Variants in PRORP observed in about 807,000 individuals in gnomAD.
PRORP encodes the protein protein only RNase P catalytic subunit, also known as mitochondrial ribonuclease P catalytic subunit.
In PRORP, 51 loss-of-function variants were observed where a neutral mutation model predicts 59.4. That is an observed-to-expected ratio of 0.86 (90% CI 0.69 to 1.08). The LOEUF (loss-of-function observed/expected upper bound fraction) is 1.08, where lower values mean the gene tolerates loss of function less well. Among genes scored for constraint, PRORP ranks in the 50% least tolerant of loss-of-function variants. The probability of loss-of-function intolerance (pLI) is 0.00; values close to 1 mark genes in which losing one functional copy is unlikely to be tolerated. For synonymous variants in PRORP, 231 were observed against 245.6 expected (o/e 0.94, Z 0.55); for missense variants, 646 against 690.3 (o/e 0.94, Z 0.72).
chr14:35,231,241 TCTA>T (rs2050072587), intron 5 of PRORP, among the ~76,000 whole-genome samples: 2 of 152,212 alleles, frequency 1.3e-5, no homozygotes, highest in South Asian at 2.1e-4. Context: ...GGTTTTTTAA[TCTA>T]CTAAACTCCT....
At chr14:35,152,201 C>T (rs1422255360) in intron 4 of PRORP, among the ~76,000 whole-genome samples, 1 of 152,178 alleles carries the variant, frequency 6.6e-6, no homozygotes, top group Non-Finnish European at 1.5e-5. Flanking sequence ...TTAATCCATT[C>T]AACCCTGAGT....
In PRORP at chr14:35,270,390, G is replaced by C; in HGVS notation, c.1425-11G>C. On this transcript the variant is annotated splice_polypyrimidine_tract_variant and intron_variant, in intron 6 of 7. Transcript: ENST00000534898. ...TGTGCTTGATTGTGTCCTTTCTTAT[G>C]CCTGGTTCAGCTCGGAGGATGATCC... The C allele has an allele frequency of 6.2e-7, 1 of 1,611,120 alleles. No homozygotes were observed. The highest frequency in any genetic ancestry group is 8.5e-7 in the Non-Finnish European group (1 of 1,178,234).
intron 2 of PRORP, among the ~76,000 whole-genome samples, chr14:35,126,224 G>A (rs1356912983): frequency 6.6e-6 from 1 of 152,060 alleles, no homozygotes; most frequent in Admixed American, 6.6e-5. Flanking sequence ...ATGTGGAAGG[G>A]GAAGGAGGAA....
rs2048378474 is a variant in PRORP, at chr14:35,173,830, T to C, written c.1168-6840T>C. 3.9e-5 allele frequency among the ~76,000 whole-genome samples: 6 copies of C among 152,160 alleles called. No individual in the cohort carries two copies. The South Asian group carries it at 1.2e-3, about 31-fold the overall frequency. ...GGGGTTGATGAGACTCAATTGATGC[T>C]TCTTGCTTGGGTCTCCTATTGTAAT... On this transcript the variant is annotated intron_variant, in intron 4 of 7. Coordinates refer to ENST00000534898, the MANE Select transcript of PRORP (RefSeq NM_014672.4).
In PRORP at chr14:35,250,889, C is replaced by T. The variant is rs139974395; in HGVS notation, c.1276-15838C>T. On this transcript the variant is annotated intron_variant, in intron 5 of 7. Transcript: ENST00000534898. ...TTCGTTTTTTAAAATTTTTTATTTC[C>T]GTAGGTTATTGGGGAAAAGGTGGTG... Among the ~76,000 whole-genome samples, 198 of 151,628 alleles carry T rather than the reference C, an allele frequency of 1.3e-3. 1 individual carries two copies. In the East Asian group the frequency reaches 0.027, roughly 21 times the overall value.
At position 35,270,444 on chromosome 14, in the gene PRORP, G is replaced by A. The variant is rs752197996; in HGVS notation, c.1468G>A (p.Gly490Arg). 35 of 1,613,986 alleles carry A rather than the reference G, an allele frequency of 2.2e-5. No homozygotes were observed. Among genetic ancestry groups the A allele is most frequent in the Non-Finnish European group, 2.5e-5 (29 of 1,180,000 alleles). ...CCTTCTGTATGCCACACTGCACTCC[G>A]GGAATCACTGCAGGTTTATCACAAG... Reference protein sequence around the residue: ...PFLLYATLHSGNHCRFITRDL... With the variant: ...PFLLYATLHSRNHCRFITRDL... Residue 490 changes from glycine to arginine, a missense_variant, in exon 7 of 8, where the codon GGG (glycine) becomes AGG (arginine). Gly to Arg is a moderately radical substitution (Grantham distance 125). Coordinates refer to ENST00000534898, the MANE Select transcript of PRORP (RefSeq NM_014672.4).
In PRORP at chr14:35,159,798, G is replaced by A. The variant is rs139593697; in HGVS notation, c.1168-20872G>A. Among the ~76,000 whole-genome samples, 273 of 152,242 alleles carry A rather than the reference G, an allele frequency of 1.8e-3. 1 individual carries two copies. The highest frequency in any genetic ancestry group is 6.3e-3 in the African/African-American group (261 of 41,530). Reference sequence around the variant, plus strand: ...TTCGGTAACTTGCTGAAACCACACAGGTTAAGTGATGAAGTCAGGATTCAG... The same window carrying A: ...TTCGGTAACTTGCTGAAACCACACAAGTTAAGTGATGAAGTCAGGATTCAG... On this transcript the variant is annotated intron_variant, in intron 4 of 7. Transcript: ENST00000534898.
chr14:35,174,313 T>C (rs1294796482), intron 4 of PRORP, among the ~76,000 whole-genome samples: 2 of 152,138 alleles, frequency 1.3e-5, no homozygotes, highest in African/African-American at 4.8e-5. Flanking sequence ...TTTATATTAT[T>C]ATCTAGTAGT....
intron 5 of PRORP, among the ~76,000 whole-genome samples, chr14:35,223,248 G>A (rs2049838065): frequency 6.8e-6 from 1 of 147,164 alleles, no homozygotes; most frequent in Non-Finnish European, 1.5e-5. Context: ...TTACCAGAAT[G>A]AAACCTCTCC....
chr14:35,159,650 TTAAA>T (rs2048010058), intron 4 of PRORP, among the ~76,000 whole-genome samples: 3 of 152,232 alleles, frequency 2.0e-5, no homozygotes, highest in Non-Finnish European at 4.4e-5. Flanking sequence ...TATTTATACA[TTAAA>T]TAATCCAGTG....
At chr14:35,170,798 C>T (rs1566473386) in intron 4 of PRORP, among the ~76,000 whole-genome samples, 1 of 151,790 alleles carries the variant, frequency 6.6e-6, no homozygotes, top group Non-Finnish European at 1.5e-5. Context: ...GATATTATTT[C>T]CCTTCAGCCT....
At chr14:35,217,459 TCA>T (rs1376512057) in intron 5 of PRORP, among the ~76,000 whole-genome samples, 1 of 146,462 alleles carries the variant, frequency 6.8e-6, no homozygotes, top group Non-Finnish European at 1.5e-5. Flanking sequence ...CAAGATTGTG[TCA>T]CTGCACTCCG....
chr14:35,176,902 T>C (rs1443444680), intron 4 of PRORP, among the ~76,000 whole-genome samples: 3 of 152,190 alleles, frequency 2.0e-5, no homozygotes, highest in Non-Finnish European at 4.4e-5. Flanking sequence ...TCTTATTATT[T>C]TGAGATACGT....
At chr14:35,251,296 A>G (rs1216607210) in intron 5 of PRORP, among the ~76,000 whole-genome samples, 11 of 152,220 alleles carry the variant, frequency 7.2e-5, no homozygotes, top group Non-Finnish European at 7.3e-5. Flanking sequence ...GTCATTACAC[A>G]GAAAAGATAC....
At chr14:35,229,971 G>A (rs2050031414) in intron 5 of PRORP, among the ~76,000 whole-genome samples, 1 of 151,758 alleles carries the variant, frequency 6.6e-6, no homozygotes, top group Non-Finnish European at 1.5e-5. Context: ...ATATATGATA[G>A]GATCCTGTGT....
chr14:35,181,864 T>C (rs906356096), intron 5 of PRORP, among the ~76,000 whole-genome samples: 1 of 150,944 alleles, frequency 6.6e-6, no homozygotes, highest in Non-Finnish European at 1.5e-5. Flanking sequence ...TTGAAGCATA[T>C]GTAAAGTTGA....
Position 35,142,525 on chromosome 14 carries a change from T to A in PRORP, c.1167+14914T>A, listed in dbSNP as rs905586020. Among the ~76,000 whole-genome samples, 7 of 133,438 alleles carry A rather than the reference T, an allele frequency of 5.2e-5. 1 individual carries two copies. In the South Asian group the frequency reaches 1.0e-3, roughly 19 times the overall value. 87.5% of individuals were successfully genotyped at this position (133,438 alleles called of 152,430 possible). ...CACCCTGCCCTGCTAATTTTTAAAT[T>A]AAAAAAAAAAAAATTTTAGATAGGG... On this transcript the variant is annotated intron_variant, in intron 4 of 7. Coordinates refer to ENST00000534898, the MANE Select transcript of PRORP (RefSeq NM_014672.4).
At chr14:35,175,613 A>T (rs1314779395) in intron 4 of PRORP, among the ~76,000 whole-genome samples, 6 of 151,370 alleles carry the variant, frequency 4.0e-5, no homozygotes, top group East Asian at 1.9e-4. Flanking sequence ...TAAATTTGTT[A>T]GAGTTCTTTG....
intron 5 of PRORP, chr14:35,262,512 T>C: frequency 1.7e-6 from 1 of 577,472 alleles, no homozygotes; most frequent in Non-Finnish European, 3.2e-6. Flanking sequence ...ATGGTGACAT[T>C]ACTCTGAAGG....
Sources: gnomAD v4.1 joint callset for allele counts (sites outside exome capture counted in the v4.1 genomes callset) on GRCh38, gnomAD v4.1.1 for gene constraint, MANE v1.5 for transcripts, NCBI Gene and HGNC (gene_info 2026-07-23, HGNC 2026-07-21) for gene names.